EBF1: variants seen among roughly 807,000 people sequenced by gnomAD.
EBF1 encodes EBF transcription factor 1, also known as transcription factor COE1.
In EBF1, 10 loss-of-function variants were observed where a neutral mutation model predicts 68.4. That is an observed-to-expected ratio of 0.15 (90% CI 0.09 to 0.25). The LOEUF (loss-of-function observed/expected upper bound fraction) is 0.25. Among genes scored for constraint, EBF1 ranks in the 10% least tolerant of loss-of-function variants. The pLI is 1.00. For synonymous variants in EBF1, 298 were observed against 299.8 expected, an observed-to-expected ratio of 0.99 and a Z score of 0.06; for missense variants, 509 against 794.4, an observed-to-expected ratio of 0.64 and a Z score of 4.32.
At chr5:159,034,055 TACA>T (rs1769505325) in intron 6 of EBF1, among the ~76,000 whole-genome samples, 1 of 152,224 alleles carries the variant, frequency 6.6e-6, no homozygotes, top group Non-Finnish European at 1.5e-5. Context: ...TTGGCATCCA[TACA>T]TTGAGGCCAT....
chr5:158,995,400 G>A (rs986992149), intron 6 of EBF1, among the ~76,000 whole-genome samples: 6 of 152,170 alleles, frequency 3.9e-5, no homozygotes, highest in Non-Finnish European at 5.9e-5. Context: ...CTAGGGGGAC[G>A]CTCATATGCT....
chr5:158,833,799 C>G (rs772841454), intron 7 of EBF1, among the ~76,000 whole-genome samples: 1 of 152,088 alleles, frequency 6.6e-6, no homozygotes. Flanking sequence ...GTGAGCCATT[C>G]GATATTATAT....
At chr5:158,892,309 T>G (rs1182114043) in intron 6 of EBF1, among the ~76,000 whole-genome samples, 1 of 152,030 alleles carries the variant, frequency 6.6e-6, no homozygotes, top group African/African-American at 2.4e-5. Flanking sequence ...ACCAACATGG[T>G]GAAACTCCAT....
At chr5:158,828,057 T>C (rs1209183224) in intron 7 of EBF1, among the ~76,000 whole-genome samples, 1 of 152,160 alleles carries the variant, frequency 6.6e-6, no homozygotes, top group African/African-American at 2.4e-5. Context: ...CTTCCTAACC[T>C]CTCTGTTTTT....
chr5:158,832,320 G>A (rs997958109), intron 7 of EBF1, among the ~76,000 whole-genome samples: 1 of 152,162 alleles, frequency 6.6e-6, no homozygotes, highest in African/African-American at 2.4e-5. Context: ...TCAGCATAAG[G>A]CTCATGCCAA....
intron 14 of EBF1, among the ~76,000 whole-genome samples, chr5:158,708,508 C>T (rs898216131): frequency 2.0e-5 from 3 of 152,156 alleles, no homozygotes; most frequent in Admixed American, 6.5e-5. Context: ...CCAAATGCAC[C>T]GAGTGCCTTT....
At chr5:158,988,689 T>C (rs1759646082) in intron 6 of EBF1, among the ~76,000 whole-genome samples, 1 of 152,158 alleles carries the variant, frequency 6.6e-6, no homozygotes, top group Non-Finnish European at 1.5e-5. Flanking sequence ...TTCTTCTGAG[T>C]CTGCTTCCCG....
chr5:158,759,959 T>C (rs189596216), intron 10 of EBF1, among the ~76,000 whole-genome samples: 16 of 152,258 alleles, frequency 1.1e-4, no homozygotes, highest in Admixed American at 1.3e-4. Context: ...AAAATATTCA[T>C]GTTTCCTCAA....
At chr5:159,096,216 C>A (rs1476565222) in intron 3 of EBF1, 127 bp downstream of exon 3, 4 of 1,022,160 alleles carry the variant, frequency 3.9e-6, no homozygotes, top group Non-Finnish European at 5.6e-6. Context: ...TTAGGAGAGG[C>A]TGGTTCACCT....
chr5:158,913,132 C>T (rs1252049581), intron 6 of EBF1, among the ~76,000 whole-genome samples: 1 of 152,182 alleles, frequency 6.6e-6, no homozygotes, highest in Non-Finnish European at 1.5e-5. Context: ...ACCGCTGGGT[C>T]ACATTATGCA....
In EBF1 at chr5:159,096,404, T is replaced by G; in HGVS notation, c.294A>C (p.Glu98Asp). Residue 98 changes from glutamate to aspartate, a missense_variant and splice_region_variant, in exon 3 of 16, where the codon GAA (glutamate) becomes GAC (aspartate). Physicochemically the swap from Glu to Asp is conservative, Grantham distance 45. Coordinates refer to ENST00000313708, the MANE Select transcript of EBF1 (RefSeq NM_024007.5). Reference sequence around the variant, plus strand: ...CGTTATTGGTCTTTTCGCTGTTGGCTTCCTGGGTTGCATCAGGACGCAAAG... The same window carrying G: ...CGTTATTGGTCTTTTCGCTGTTGGCGTCCTGGGTTGCATCAGGACGCAAAG... ...AFVGFVEKEK[E>D]ANSEKTNNGI... 1 of 1,613,406 alleles carries G rather than the reference T, an allele frequency of 6.2e-7. No homozygotes were observed. Among genetic ancestry groups the G allele is most frequent in the Non-Finnish European group, 8.5e-7 (1 of 1,179,680 alleles).
chr5:158,869,947 A>G (rs1796595221), intron 6 of EBF1, among the ~76,000 whole-genome samples: 1 of 152,204 alleles, frequency 6.6e-6, no homozygotes. Context: ...AAGAAAGCCA[A>G]GAAAACCCAG....
chr5:158,851,681 GGGA>G (rs1304248925), intron 6 of EBF1, among the ~76,000 whole-genome samples: 3 of 112,782 alleles, frequency 2.7e-5, no homozygotes, highest in African/African-American at 1.0e-4. Context: ...AAGGGAAGTA[GGGA>G]GGAGAAGTAA....
At chr5:159,063,825 A>G (rs910439822) in intron 6 of EBF1, among the ~76,000 whole-genome samples, 1 of 152,214 alleles carries the variant, frequency 6.6e-6, no homozygotes, top group African/African-American at 2.4e-5. Context: ...GATTTTAAGC[A>G]CCTGTTATGT....
chr5:158,851,195 T>G (rs1792573211), intron 6 of EBF1, among the ~76,000 whole-genome samples: 1 of 151,330 alleles, frequency 6.6e-6, no homozygotes, highest in Non-Finnish European at 1.5e-5. Flanking sequence ...GCCAACATGG[T>G]GAAACCTCGT....
chr5:158,716,513 C>T (rs1308808385), intron 11 of EBF1, among the ~76,000 whole-genome samples: 1 of 152,082 alleles, frequency 6.6e-6, no homozygotes, highest in Non-Finnish European at 1.5e-5. Flanking sequence ...AAAGGGACAC[C>T]CTTAAATAAT....
rs72643434 is a variant in EBF1 at position 159,010,720 on chromosome 5, C to T, written c.554+62676G>A. On this transcript the variant is annotated intron_variant, in intron 6 of 15. Transcript: ENST00000313708. Reference sequence around the variant, plus strand: ...TTATCTGACACCATCTCAATGTCAGCTCCACAGGGAGTAGATCCAAAGGAG... The same window carrying T: ...TTATCTGACACCATCTCAATGTCAGTTCCACAGGGAGTAGATCCAAAGGAG... Among the ~76,000 whole-genome samples the T allele has an allele frequency of 6.3e-3, 958 of 152,302 alleles. 42 individuals are homozygous for T. In the East Asian group the frequency reaches 0.12, roughly 19 times the overall value.
intron 10 of EBF1, among the ~76,000 whole-genome samples, chr5:158,769,237 C>T (rs1773396827): frequency 6.6e-6 from 1 of 152,042 alleles, no homozygotes; most frequent in South Asian, 2.1e-4. Context: ...TGGTTATGGT[C>T]TGTTATTTGC....
At chr5:158,707,899 G>A in intron 15 of EBF1, 80 bp downstream of exon 15, 3 of 1,448,996 alleles carry the variant, frequency 2.1e-6, no homozygotes, top group Non-Finnish European at 2.8e-6. Flanking sequence ...CCTCAGCAAT[G>A]GTGATGCATC....
Sources: gnomAD v4.1 joint callset for allele counts (sites outside exome capture counted in the v4.1 genomes callset) on GRCh38, gnomAD v4.1.1 for gene constraint, MANE v1.5 for transcripts, NCBI Gene and HGNC (gene_info 2026-07-23, HGNC 2026-07-21) for gene names.